The following FAM83A variants were observed in gnomAD, a reference collection of about 807,000 sequenced individuals.
The protein encoded by FAM83A is scaffolding CK1 anchoring protein A.
In FAM83A, 21 loss-of-function variants were observed where a neutral mutation model predicts 24.4. The ratio of observed to expected loss-of-function variants is 0.86; its 90% CI spans 0.61 to 1.24. The LOEUF (loss-of-function observed/expected upper bound fraction) is 1.24, where lower values mean the gene tolerates loss of function less well. Ranked by LOEUF, FAM83A falls within the 50% of genes most tolerant of loss-of-function variation. The pLI, the probability that FAM83A is intolerant of heterozygous loss-of-function variation, is 0.00. For missense variants in FAM83A, 617 were observed against 579.8 expected, an observed-to-expected ratio of 1.06 and a Z score of -0.66; for synonymous variants, 270 against 252.4, an observed-to-expected ratio of 1.07 and a Z score of -0.66.
intron 3 of FAM83A, among the ~76,000 whole-genome samples, chr8:123,200,957 CA>C (rs11322028): frequency 0.19 from 24,091 of 127,116 alleles, 2,360 homozygotes; most frequent in Admixed American, 0.26. Context: ...AACAAATAAA[CA>C]AAAAAAAAAA....
chr8:123,201,092 T>C (rs1224095028), intron 3 of FAM83A: 1 of 150,842 alleles, frequency 6.6e-6, no homozygotes, highest in East Asian at 1.9e-4. Context: ...GAGGTGGAAG[T>C]TGTAGTGAGC....
intron 1 of FAM83A, among the ~76,000 whole-genome samples, chr8:123,191,280 T>C (rs1334495830): frequency 6.6e-6 from 1 of 152,122 alleles, no homozygotes; most frequent in African/African-American, 2.4e-5. Flanking sequence ...AGAGCGTGAC[T>C]CCCTTCTCCA....
chr8:123,185,845 C>G (rs140795801), intron 1 of FAM83A, among the ~76,000 whole-genome samples: 1 of 152,180 alleles, frequency 6.6e-6, no homozygotes, highest in Non-Finnish European at 1.5e-5. Flanking sequence ...GGCTGGAGTG[C>G]GTTGGCTCGA....
At chr8:123,184,171 G>C (rs1201583454) in intron 1 of FAM83A, among the ~76,000 whole-genome samples, 1 of 152,000 alleles carries the variant, frequency 6.6e-6, no homozygotes, top group African/African-American at 2.4e-5. Context: ...TGTTCCCTCT[G>C]CCTGGCCATG....
chr8:123,183,520 C>T (rs949694113), intron 1 of FAM83A, among the ~76,000 whole-genome samples, 184 bp downstream of exon 1: 5 of 152,108 alleles, frequency 3.3e-5, no homozygotes, highest in African/African-American at 1.2e-4. Context: ...CCTGTCACAG[C>T]CAGGGTCCAG....
In FAM83A at chr8:123,209,580, A is replaced by AT. The variant is rs578169825; in HGVS notation, c.*1895dup. ...GGCCCGGCTGAACATTCCAAATTGG[A>AT]TTTCACCATCTGCTGAGAAAGTTTA... On this transcript the variant is annotated 3_prime_UTR_variant, in exon 4 of 4. Coordinates refer to ENST00000690554, the Ensembl canonical transcript of FAM83A. The surrounding 1 kb of genome is among the most constrained non-coding windows in gnomAD (Gnocchi z 4.7). The AT allele has an allele frequency of 1.0e-4, 166 of 1,610,096 alleles. No homozygotes were observed. In the African/African-American group the frequency reaches 1.3e-3, roughly 13 times the overall value.
chr8:123,206,686 T>TC (rs1231723573), intron 3 of FAM83A, among the ~76,000 whole-genome samples: 1 of 152,158 alleles, frequency 6.6e-6, no homozygotes, highest in African/African-American at 2.4e-5. Context: ...TCTTAATTAT[T>TC]CACCCGCAAA....
intron 3 of FAM83A, 95 bp downstream of exon 3, chr8:123,194,243 C>G (rs796991107): frequency 3.7e-5 from 56 of 1,529,016 alleles, no homozygotes; most frequent in Non-Finnish European, 4.5e-5. Context: ...CAAACACCCC[C>G]AGCAGCTCCC....
At chr8:123,207,622 G>A (rs1050109721) in exon 4 of FAM83A, 2 of 1,553,622 alleles carry the variant, frequency 1.3e-6, no homozygotes, top group Non-Finnish European at 1.7e-6. Flanking sequence ...AGCTGGAGCA[G>A]CTGGGCCTGG....
At chr8:123,183,695 C>CT (rs371705178) in intron 1 of FAM83A, among the ~76,000 whole-genome samples, 62 of 59,904 alleles carry the variant, frequency 1.0e-3, no homozygotes, top group East Asian at 1.7e-3. Context: ...TTTTTTTTTT[C>CT]TTTTTTTTTG....
exon 4 of FAM83A, chr8:123,207,340 T>TAGC (rs1824590051): frequency 6.2e-7 from 1 of 1,611,346 alleles, no homozygotes; most frequent in Non-Finnish European, 8.5e-7. Context: ...ATGGCCGCCT[T>TAGC]AGCAGCAGCA....
chr8:123,208,865 G>A (rs1824646090), exon 4 of FAM83A: 4 of 955,108 alleles, frequency 4.2e-6, no homozygotes, highest in Non-Finnish European at 5.0e-6. Flanking sequence ...AAATTAGGCT[G>A]AGACAGGAGA....
At chr8:123,193,880 G>T (rs1410873764) in intron 2 of FAM83A, 144 bp from the exon 3 acceptor site, 2 of 994,650 alleles carry the variant, frequency 2.0e-6, no homozygotes, top group African/African-American at 1.6e-5. Context: ...TCCTCCCAAA[G>T]GCCCCACCTT....
chr8:123,187,610 A>G (rs763973656), intron 1 of FAM83A, among the ~76,000 whole-genome samples: 3 of 152,234 alleles, frequency 2.0e-5, no homozygotes, highest in Admixed American at 6.5e-5. Flanking sequence ...GTAAAGAACT[A>G]TTTCAAAAAC....
In FAM83A at chr8:123,182,849, C is replaced by T. The variant is rs747488253; in HGVS notation, c.-8C>T. 9.2e-6 allele frequency: 14 copies of T among 1,519,052 alleles called. No individual in the cohort carries two copies. Among genetic ancestry groups the T allele is most frequent in the Admixed American group, 6.6e-5 (3 of 45,718 alleles). 94.1% of individuals were successfully genotyped at this position (1,519,052 alleles called of 1,614,324 possible). On this transcript the variant is annotated 5_prime_UTR_variant, in exon 1 of 4. It adds an upstream start codon to the 5' untranslated region. Coordinates refer to ENST00000690554, the Ensembl canonical transcript of FAM83A. ...AGCCTCCCCCAGCACCACCCAGGGA[C>T]GGGAGGCATGAGCCGGTCAAGGCAC...
intron 3 of FAM83A, among the ~76,000 whole-genome samples, chr8:123,203,504 C>A (rs1824429188): frequency 6.9e-6 from 1 of 144,548 alleles, no homozygotes; most frequent in Admixed American, 7.2e-5. Context: ...GGGAGGATCA[C>A]TTGAATCCAG....
chr8:123,182,816 G>C, exon 1 of FAM83A: 2 of 1,510,200 alleles, frequency 1.3e-6, no homozygotes, highest in Non-Finnish European at 1.8e-6. Flanking sequence ...TGGAGGAGCT[G>C]ACGTGCCAGC....
chr8:123,189,847 C>T (rs1466034324), intron 1 of FAM83A, among the ~76,000 whole-genome samples: 2 of 152,178 alleles, frequency 1.3e-5, no homozygotes, highest in African/African-American at 4.8e-5. Context: ...GTCAGGACTT[C>T]CTCGGGCATG....
chr8:123,201,675 C>T (rs1314156455), intron 3 of FAM83A: 1 of 152,216 alleles, frequency 6.6e-6, no homozygotes, highest in Non-Finnish European at 1.5e-5. Flanking sequence ...GCCCCTTCTT[C>T]TGGTTGTATA....
Sources: gnomAD v4.1 joint callset for allele counts (sites outside exome capture counted in the v4.1 genomes callset) on GRCh38, gnomAD v4.1.1 for gene constraint, Gnocchi (gnomAD v3.1) non-coding constraint, MANE v1.5 for transcripts, NCBI Gene and HGNC (gene_info 2026-07-23, HGNC 2026-07-21) for gene names.